SLC17A8: variants seen among roughly 807,000 people sequenced by gnomAD.
SLC17A8 encodes the protein vesicular glutamate transporter 3.
Under a neutral mutation model 58.0 loss-of-function variants are expected in SLC17A8, and 31 were observed. The ratio of observed to expected loss-of-function variants is 0.53; its 90% CI spans 0.40 to 0.72. The LOEUF (loss-of-function observed/expected upper bound fraction) is 0.72, where lower values mean the gene tolerates loss of function less well. Ranked by LOEUF, SLC17A8 falls within the 30% of genes least tolerant of loss-of-function variation. The pLI is 0.00. For missense variants in SLC17A8, 655 were observed against 727.8 expected, an observed-to-expected ratio of 0.90 and a Z score of 1.15; for synonymous variants, 228 against 249.0, an observed-to-expected ratio of 0.92 and a Z score of 0.79.
intron 2 of SLC17A8, among the ~76,000 whole-genome samples, chr12:100,382,405 C>T (rs956639808): frequency 3.3e-5 from 5 of 152,276 alleles, no homozygotes; most frequent in South Asian, 2.1e-4. Context: ...GCTGCTTAAA[C>T]GATAGACCTA....
intron 8 of SLC17A8, 96 bp from the exon 9 acceptor site, chr12:100,403,942 G>T: frequency 1.4e-6 from 2 of 1,414,086 alleles, no homozygotes; most frequent in South Asian, 2.3e-5. Flanking sequence ...GGTGGTGGTA[G>T]GTAGGGGGGC....
intron 3 of SLC17A8, 148 bp downstream of exon 3, chr12:100,391,267 T>A: frequency 1.5e-6 from 1 of 665,528 alleles, no homozygotes; most frequent in Middle Eastern, 3.5e-4. Context: ...TGATCCCAAA[T>A]GACCCTGATC....
Position 100,390,983 on chromosome 12 carries a change from C to A in SLC17A8, c.355-18C>A. On this transcript the variant is annotated intron_variant, in intron 2 of 11. Transcript: ENST00000323346. ...CTTTTTCTAACAAACACAACTATAT[C>A]TGATTTCTCATTTCCAGACAGCACA... The A allele has an allele frequency of 1.3e-6, 2 of 1,539,156 alleles. No homozygotes were observed. Among genetic ancestry groups the A allele is most frequent in the South Asian group, 1.1e-5 (1 of 89,570 alleles).
chr12:100,387,261 TTC>T (rs1815867706), intron 2 of SLC17A8, among the ~76,000 whole-genome samples: 1 of 152,146 alleles, frequency 6.6e-6, no homozygotes, highest in Non-Finnish European at 1.5e-5. Context: ...TCACCAACAC[TTC>T]TTGTCTTTTG....
intron 5 of SLC17A8, among the ~76,000 whole-genome samples, chr12:100,399,794 TAA>T (rs1162507360): frequency 2.6e-5 from 4 of 152,200 alleles, no homozygotes; most frequent in Non-Finnish European, 5.9e-5. Context: ...TATCACATTG[TAA>T]AGTTTCCCCA....
intron 2 of SLC17A8, among the ~76,000 whole-genome samples, chr12:100,390,531 G>A (rs555852829): frequency 5.3e-5 from 8 of 151,758 alleles, no homozygotes; most frequent in Non-Finnish European, 8.8e-5. Flanking sequence ...TGTATTTTTA[G>A]TAGAGATGGG....
intron 10 of SLC17A8, among the ~76,000 whole-genome samples, chr12:100,413,949 C>T (rs896963336): frequency 1.8e-4 from 27 of 151,752 alleles, no homozygotes; most frequent in African/African-American, 6.5e-4. Context: ...TGCATTCCAG[C>T]CTGGATGACA....
chr12:100,408,171 G>C (rs553817722), intron 9 of SLC17A8, among the ~76,000 whole-genome samples: 1 of 152,162 alleles, frequency 6.6e-6, no homozygotes, highest in Non-Finnish European at 1.5e-5. Flanking sequence ...CATCTGAGAA[G>C]GATCACACAT....
intron 1 of SLC17A8, among the ~76,000 whole-genome samples, chr12:100,360,592 A>G (rs1425205847): frequency 6.6e-6 from 1 of 152,194 alleles, no homozygotes; most frequent in Non-Finnish European, 1.5e-5. Context: ...GAGCCACAGC[A>G]TCTAGCAATA....
chr12:100,403,172 A>G (rs1299461461), intron 8 of SLC17A8, among the ~76,000 whole-genome samples: 4 of 152,200 alleles, frequency 2.6e-5, no homozygotes, highest in Admixed American at 2.0e-4. Context: ...ATTGCTTGCA[A>G]TGGGTTAGAA....
intron 1 of SLC17A8, among the ~76,000 whole-genome samples, chr12:100,365,364 A>C (rs1021666458): frequency 1.4e-4 from 21 of 152,296 alleles, no homozygotes; most frequent in South Asian, 2.1e-4. Flanking sequence ...CAGAAACCTC[A>C]TATAGTGTCT....
intron 1 of SLC17A8, among the ~76,000 whole-genome samples, chr12:100,380,180 C>A (rs1026591086): frequency 3.4e-5 from 4 of 118,430 alleles, no homozygotes; most frequent in African/African-American, 1.4e-4. Context: ...GCCTGGGCAA[C>A]GGGCAACAAA....
Position 100,401,787 on chromosome 12 carries a change from A to G in SLC17A8, c.687A>G (p.Ala229=), listed in dbSNP as rs748076639. The G allele has an allele frequency of 6.2e-7, 1 of 1,613,642 alleles. No homozygotes were observed. Among genetic ancestry groups the G allele is most frequent in the Non-Finnish European group, 8.5e-7 (1 of 1,179,586 alleles). The stretch of plus-strand genomic sequence containing the variant: ...CTTTTCTTGTTCCAGGTTCCTATGC[A>G]GGGGCAGTGGTTGCCATGCCCCTGG... ...LATTSFCGSY[A]GAVVAMPLAG... The change falls in exon 6 of 12, where the codon GCA becomes GCG. Residue 229 remains alanine, a synonymous_variant. Coordinates refer to ENST00000323346, the MANE Select transcript of SLC17A8 (RefSeq NM_139319.3).
intron 1 of SLC17A8, among the ~76,000 whole-genome samples, chr12:100,370,123 A>T (rs1322487720): frequency 6.6e-6 from 1 of 151,894 alleles, no homozygotes; most frequent in African/African-American, 2.4e-5. Flanking sequence ...TATTTAATAC[A>T]ATTTTTAAAA....
intron 1 of SLC17A8, among the ~76,000 whole-genome samples, chr12:100,379,261 C>T (rs1952615821): frequency 1.3e-5 from 2 of 151,886 alleles, no homozygotes; most frequent in African/African-American, 4.8e-5. Context: ...ACGGTGAAAC[C>T]CCGTCTCTAC....
intron 2 of SLC17A8, among the ~76,000 whole-genome samples, chr12:100,390,549 C>T (rs972999258): frequency 6.6e-6 from 1 of 151,700 alleles, no homozygotes; most frequent in Non-Finnish European, 1.5e-5. Context: ...GGGGTTTCAC[C>T]GTGTTAGCCA....
intron 10 of SLC17A8, among the ~76,000 whole-genome samples, chr12:100,413,441 C>G (rs1021630424): frequency 6.6e-6 from 1 of 152,104 alleles, no homozygotes; most frequent in Non-Finnish European, 1.5e-5. Flanking sequence ...CTAGCGATGA[C>G]CAAGCACAGA....
At chr12:100,389,212 A>G (rs1952696412) in intron 2 of SLC17A8, among the ~76,000 whole-genome samples, 1 of 152,178 alleles carries the variant, frequency 6.6e-6, no homozygotes, top group East Asian at 1.9e-4. Context: ...TGTTGTTGCT[A>G]TTGCCATCAG....
In SLC17A8 at chr12:100,404,189, A is replaced by C. The variant is rs780832834; in HGVS notation, c.1186+19A>C. On this transcript the variant is annotated intron_variant, in intron 9 of 11. Transcript: ENST00000323346. ...TGTGGAGGTACTGTGGATTTCATAGATGGCTTAGGCAGCTTTTGTAGAATT... is the reference window on the plus strand; with the variant it reads ...TGTGGAGGTACTGTGGATTTCATAGCTGGCTTAGGCAGCTTTTGTAGAATT... The C allele has an allele frequency of 6.2e-7, 1 of 1,614,074 alleles. No individual in the cohort carries two copies. Among genetic ancestry groups the C allele is most frequent in the South Asian group, 1.1e-5 (1 of 91,082 alleles).
Sources: allele counts gnomAD v4.1 joint callset (sites outside exome capture counted in the v4.1 genomes callset), GRCh38; gene constraint gnomAD v4.1.1; transcripts MANE v1.5; gene names NCBI Gene and HGNC (gene_info 2026-07-23, HGNC 2026-07-21).